The following CCDC178 variants were observed in gnomAD, a reference collection of about 807,000 sequenced individuals.
CCDC178 encodes the protein coiled-coil domain containing 178.
In CCDC178, 126 loss-of-function variants were observed where a neutral mutation model predicts 117.4. The observed-to-expected ratio is 1.07, with a 90% CI of 0.93 to 1.24. The LOEUF (loss-of-function observed/expected upper bound fraction) is 1.24. Ranked by LOEUF, CCDC178 falls within the 50% of genes most tolerant of loss-of-function variation. The pLI is 0.00. For synonymous variants in CCDC178, 283 were observed against 313.4 expected (o/e 0.90, Z 1.02); for missense variants, 1,030 against 986.9 (o/e 1.04, Z -0.59).
At chr18:33,193,266 A>C (rs1193105545) in intron 20 of CCDC178, among the ~76,000 whole-genome samples, 1 of 4,190 alleles carries the variant, frequency 2.4e-4, no homozygotes, top group South Asian at 9.6e-3. Flanking sequence ...CCGTCTCACA[A>C]AAAAAAAAAA....
intron 5 of CCDC178, among the ~76,000 whole-genome samples, chr18:33,385,387 C>T (rs548930308): frequency 2.0e-5 from 3 of 152,068 alleles, no homozygotes; most frequent in Non-Finnish European, 2.9e-5. Flanking sequence ...CTACAGAACT[C>T]GCCAGACAAA....
At chr18:33,073,556 T>C (rs1033455681) in intron 21 of CCDC178, among the ~76,000 whole-genome samples, 5 of 123,758 alleles carry the variant, frequency 4.0e-5, no homozygotes, top group African/African-American at 1.8e-4. Context: ...TCTATCTATA[T>C]ATATATCTTT....
chr18:33,042,912 C>G (rs949994182), intron 21 of CCDC178, among the ~76,000 whole-genome samples: 25 of 151,648 alleles, frequency 1.6e-4, no homozygotes, highest in African/African-American at 6.1e-4. Flanking sequence ...TAAGAGTGAG[C>G]AATAATAGTC....
intron 20 of CCDC178, among the ~76,000 whole-genome samples, chr18:33,152,760 A>G (rs991897437): frequency 5.3e-5 from 8 of 152,070 alleles, no homozygotes; most frequent in African/African-American, 1.9e-4. Flanking sequence ...GGACTGCTAT[A>G]CCCTCATCTT....
At position 32,952,772 on chromosome 18, in the gene CCDC178, CTT is replaced by C. The variant is rs112669320; in HGVS notation, c.2524-14683_2524-14682del. Among the ~76,000 whole-genome samples, 192 of 130,016 alleles carry C rather than the reference CTT, an allele frequency of 1.5e-3. 1 individual carries two copies. The highest frequency in any genetic ancestry group is 9.9e-3 in the East Asian group (41 of 4,154). The allele number at this position is 130,016 out of a possible 152,430, so 85.3% of individuals were successfully genotyped here. On this transcript the variant is annotated intron_variant, in intron 22 of 22. Coordinates refer to ENST00000383096, the MANE Select transcript of CCDC178 (RefSeq NM_001105528.4). Reference sequence around the variant, plus strand: ...ATTGTCAGGCTGCAAATTTTATAAACTTTTTTTTTTTTTTTTTTTGAGATGGA... The same window carrying C: ...ATTGTCAGGCTGCAAATTTTATAAACTTTTTTTTTTTTTTTTTGAGATGGA...
chr18:33,371,376 CA>C lies in CCDC178; in HGVS notation c.209-1188del, dbSNP rs957324426. ...GCTAAGCTAAAAATTTTTGATGCCA[CA>C]TTTTTTTAATCCCCACAACAATCTT... On this transcript the variant is annotated intron_variant, in intron 5 of 22. Coordinates refer to ENST00000383096, the MANE Select transcript of CCDC178 (RefSeq NM_001105528.4). Among the ~76,000 whole-genome samples, 105 of 151,888 alleles carry C rather than the reference CA, an allele frequency of 6.9e-4. 1 individual carries two copies. Among genetic ancestry groups the C allele is most frequent in the African/African-American group, 2.5e-3 (103 of 41,464 alleles).
At chr18:33,214,957 A>T (rs2059148028) in intron 19 of CCDC178, among the ~76,000 whole-genome samples, 1 of 151,958 alleles carries the variant, frequency 6.6e-6, no homozygotes, top group Non-Finnish European at 1.5e-5. Context: ...AATGTTTTAC[A>T]AGATAGGAAA....
chr18:33,359,165 T>C (rs1211623425), intron 6 of CCDC178, among the ~76,000 whole-genome samples: 5 of 151,808 alleles, frequency 3.3e-5, no homozygotes, highest in African/African-American at 1.2e-4. Context: ...GATATAATTA[T>C]CCAAAACTTC....
intron 21 of CCDC178, among the ~76,000 whole-genome samples, chr18:33,003,632 A>G (rs1313402289): frequency 6.6e-6 from 1 of 152,188 alleles, no homozygotes; most frequent in African/African-American, 2.4e-5. Flanking sequence ...CATGACAAGG[A>G]TGCCCTCTTT....
chr18:33,161,799 T>A (rs2058467796), intron 20 of CCDC178, among the ~76,000 whole-genome samples: 1 of 152,310 alleles, frequency 6.6e-6, no homozygotes, highest in South Asian at 2.1e-4. Flanking sequence ...GTGCCACATT[T>A]TCTTAATCTA....
At chr18:33,085,784 G>T (rs1001519080) in intron 21 of CCDC178, among the ~76,000 whole-genome samples, 12 of 151,686 alleles carry the variant, frequency 7.9e-5, no homozygotes, top group Admixed American at 7.9e-4. Context: ...CTGTCTATAG[G>T]TTTTCCATTT....
chr18:33,373,261 A>C (rs892665390), intron 5 of CCDC178, among the ~76,000 whole-genome samples: 7 of 152,302 alleles, frequency 4.6e-5, no homozygotes, highest in East Asian at 3.9e-4. Flanking sequence ...TCAGAGTCAG[A>C]AGTGGCTAAA....
At chr18:33,022,183 T>C (rs889502376) in intron 21 of CCDC178, among the ~76,000 whole-genome samples, 2 of 152,176 alleles carry the variant, frequency 1.3e-5, no homozygotes, top group South Asian at 4.1e-4. Context: ...TGCTCTCAAA[T>C]CTTTTCCCAT....
intron 3 of CCDC178, among the ~76,000 whole-genome samples, chr18:33,407,133 A>T (rs1241470913): frequency 6.6e-6 from 1 of 152,150 alleles, no homozygotes; most frequent in Admixed American, 6.6e-5. Context: ...CAACCAGGTG[A>T]GACAGGACCT....
intron 22 of CCDC178, among the ~76,000 whole-genome samples, chr18:32,967,376 C>T (rs929431037): frequency 2.0e-5 from 3 of 151,308 alleles, no homozygotes; most frequent in Non-Finnish European, 3.0e-5. Context: ...ATGTGCATTA[C>T]GTTCAGGATT....
chr18:33,021,440 G>C (rs2056114850), intron 21 of CCDC178, among the ~76,000 whole-genome samples: 1 of 152,182 alleles, frequency 6.6e-6, no homozygotes, highest in Non-Finnish European at 1.5e-5. Context: ...GCTTATGCCT[G>C]TAATCTCAGC....
chr18:33,261,640 G>T (rs2059752081), intron 14 of CCDC178, among the ~76,000 whole-genome samples: 1 of 152,008 alleles, frequency 6.6e-6, no homozygotes, highest in Admixed American at 6.6e-5. Context: ...ATACCACAGA[G>T]TTTAATGGTT....
chr18:33,160,294 G>A (rs2058447125), intron 20 of CCDC178, among the ~76,000 whole-genome samples: 1 of 152,102 alleles, frequency 6.6e-6, no homozygotes, highest in African/African-American at 2.4e-5. Context: ...TTCTTGAATT[G>A]AAATATACAC....
intron 20 of CCDC178, among the ~76,000 whole-genome samples, chr18:33,162,859 G>GT (rs2058483968): frequency 6.6e-6 from 1 of 152,068 alleles, no homozygotes; most frequent in Non-Finnish European, 1.5e-5. Flanking sequence ...TTGATTGCAT[G>GT]TTTTTTTCTA....
Sources: gnomAD v4.1 joint callset for allele counts (sites outside exome capture counted in the v4.1 genomes callset) on GRCh38, gnomAD v4.1.1 for gene constraint, MANE v1.5 for transcripts, NCBI Gene and HGNC (gene_info 2026-07-23, HGNC 2026-07-21) for gene names.